The following PLXNA4 variants were observed in gnomAD, a reference collection of about 807,000 sequenced individuals.
PLXNA4 encodes the protein plexin A4.
In PLXNA4, 44 loss-of-function variants were observed where a neutral mutation model predicts 191.8. The ratio of observed to expected loss-of-function variants is 0.23; its 90% confidence interval spans 0.18 to 0.29. The LOEUF (loss-of-function observed/expected upper bound fraction) is 0.29, where lower values mean the gene tolerates loss of function less well. Among genes scored for constraint, PLXNA4 ranks in the 10% least tolerant of loss-of-function variants. The pLI is 1.00. For missense variants in PLXNA4, 1,800 were observed against 2,488.8 expected, an observed-to-expected ratio of 0.72 and a Z score of 5.89; for synonymous variants, 1,082 against 1,009.5, an observed-to-expected ratio of 1.07 and a Z score of -1.36.
intron 14 of PLXNA4, among the ~76,000 whole-genome samples, chr7:132,189,596 C>A (rs547053598): frequency 2.0e-4 from 30 of 152,292 alleles, no homozygotes; most frequent in Non-Finnish European, 3.7e-4. Context: ...CCCCAACATG[C>A]CCCAAGTCCT....
chr7:132,523,811 C>T (rs1799288697), intron 1 of PLXNA4, among the ~76,000 whole-genome samples: 2 of 152,008 alleles, frequency 1.3e-5, no homozygotes, highest in Non-Finnish European at 2.9e-5. Context: ...AGTCACACCT[C>T]CTTGATTTTT....
chr7:132,617,739 G>A (rs1358161828), intron 2 of PLXNA4, among the ~76,000 whole-genome samples: 1 of 152,174 alleles, frequency 6.6e-6, no homozygotes, highest in African/African-American at 2.4e-5. Context: ...AAGTGGATAA[G>A]AAGAGGAGAT....
intron 3 of PLXNA4, among the ~76,000 whole-genome samples, chr7:132,429,903 C>T (rs190742602): frequency 1.3e-5 from 2 of 152,324 alleles, no homozygotes; most frequent in African/African-American, 2.4e-5. Flanking sequence ...TTACTCAAGA[C>T]ACCTCTGACG....
chr7:132,563,085 C>T (rs1585348411), intron 1 of PLXNA4, among the ~76,000 whole-genome samples: 2 of 90,434 alleles, frequency 2.2e-5, no homozygotes, highest in Non-Finnish European at 4.8e-5. Context: ...CCTTCTCCTC[C>T]TCCTCTTCTT....
rs757302168 is a variant in PLXNA4 at position 132,223,619 on chromosome 7, G to A, written c.2005C>T (p.Pro669Ser). Residue 669 changes from proline (P) to serine (S), a missense_variant, in exon 9 of 32, where the codon CCA (proline) becomes TCA (serine). This residue lies in a region of PLXNA4 where 1,397 missense variants were observed against 1,880.4 expected (regional missense o/e 0.74). Transcript: ENST00000321063. ...HNSCLSCVES[P>S]YRCHWCKYRH... ...TATTTACACCAGTGGCAGCGGTATG[G>A]ACTCTCCACGCAGGACAGGCACCTG... 6 of 1,613,470 alleles carry A rather than the reference G, an allele frequency of 3.7e-6. No individual in the cohort carries two copies. Among genetic ancestry groups the A allele is most frequent in the Non-Finnish European group, 4.2e-6 (5 of 1,179,834 alleles).
At chr7:132,501,700 G>A (rs1235945669) in intron 2 of PLXNA4, among the ~76,000 whole-genome samples, 2 of 152,220 alleles carry the variant, frequency 1.3e-5, no homozygotes, top group Non-Finnish European at 2.9e-5. Context: ...CTAAATACCT[G>A]AGACAGGTGC....
chr7:132,404,405 G>C (rs1220643626), intron 3 of PLXNA4, among the ~76,000 whole-genome samples: 1 of 152,214 alleles, frequency 6.6e-6, no homozygotes, highest in Non-Finnish European at 1.5e-5. Flanking sequence ...GGAGAAGGCT[G>C]GTGCGCAGCC....
chr7:132,430,273 G>A (rs114858725), intron 3 of PLXNA4, among the ~76,000 whole-genome samples: 6 of 152,076 alleles, frequency 3.9e-5, no homozygotes, highest in South Asian at 2.1e-4. Flanking sequence ...GTCTCTATGC[G>A]GTTAGTACCC....
At position 132,562,742 on chromosome 7, in the gene PLXNA4, C is replaced by T. The variant is rs1372939531; in HGVS notation, c.-87+13680G>A. Among the ~76,000 whole-genome samples the T allele has an allele frequency of 2.4e-5, 3 of 124,724 alleles. 1 individual carries two copies. Among genetic ancestry groups the T allele is most frequent in the African/African-American group, 1.0e-4 (3 of 29,686 alleles). 81.8% of individuals were successfully genotyped at this position (124,724 alleles called of 152,430 possible). A position where few individuals can be genotyped will look rare whatever the true frequency, so the allele number is the denominator to read the frequency against. On this transcript the variant is annotated intron_variant, in intron 1 of 31. Transcript: ENST00000321063. ...CCTTTTCCTCGTCCTCCTCCTTCTC[C>T]TCCTCCTTCTCCTCCTCCTCCTTCT...
chr7:132,503,511 C>A (rs754511720), intron 2 of PLXNA4, among the ~76,000 whole-genome samples: 12 of 152,154 alleles, frequency 7.9e-5, no homozygotes, highest in Non-Finnish European at 1.6e-4. Context: ...AGGTCCCCCC[C>A]AGAGAAGGAC....
chr7:132,349,612 G>T (rs530356599), intron 3 of PLXNA4, among the ~76,000 whole-genome samples: 1 of 152,262 alleles, frequency 6.6e-6, no homozygotes, highest in South Asian at 2.1e-4. Context: ...CAGTAAAGGA[G>T]CTCATCCTAA....
At chr7:132,580,253 C>T (rs1328116704), upstream of PLXNA4, among the ~76,000 whole-genome samples, 1 of 152,082 alleles carries the variant, frequency 6.6e-6, no homozygotes, top group East Asian at 1.9e-4. Context: ...ATCTTGTCCC[C>T]ACCCCAAGAA....
intron 3 of PLXNA4, among the ~76,000 whole-genome samples, chr7:132,411,092 A>G (rs1483923057): frequency 6.6e-6 from 1 of 152,248 alleles, no homozygotes; most frequent in African/African-American, 2.4e-5. Context: ...GAACGAAAAG[A>G]ATGTGCTTGA....
intron 3 of PLXNA4, among the ~76,000 whole-genome samples, chr7:132,478,178 T>TA (rs544202997): frequency 5.3e-5 from 8 of 152,314 alleles, no homozygotes; most frequent in Admixed American, 2.0e-4. Context: ...CAACACTGCC[T>TA]AACTAAACCT....
intron 13 of PLXNA4, among the ~76,000 whole-genome samples, chr7:132,195,074 G>C (rs1797213211): frequency 6.6e-6 from 1 of 152,086 alleles, no homozygotes; most frequent in South Asian, 2.1e-4. Flanking sequence ...ACACACATAT[G>C]TATATTTATA....
chr7:132,603,679 G>A (rs1056281689), intron 2 of PLXNA4, among the ~76,000 whole-genome samples: 4 of 152,218 alleles, frequency 2.6e-5, no homozygotes, highest in Non-Finnish European at 5.9e-5. Context: ...CATACAGCAT[G>A]CAAAAGGGCA....
intron 3 of PLXNA4, among the ~76,000 whole-genome samples, chr7:132,323,579 C>T (rs553169248): frequency 1.2e-3 from 176 of 152,284 alleles, no homozygotes; most frequent in Middle Eastern, 0.01. Flanking sequence ...TCCTGCTCCA[C>T]GGCTCTGCTG....
chr7:132,243,249 G>A (rs1317069190), intron 4 of PLXNA4, among the ~76,000 whole-genome samples: 1 of 152,186 alleles, frequency 6.6e-6, no homozygotes, highest in Non-Finnish European at 1.5e-5. Context: ...ACACAATAAT[G>A]TTTTCATATG....
chr7:132,431,088 C>T (rs939008364), intron 3 of PLXNA4, among the ~76,000 whole-genome samples: 9 of 152,084 alleles, frequency 5.9e-5, no homozygotes, highest in East Asian at 1.9e-4. Flanking sequence ...TCTGTAAAAC[C>T]GAGGCAATAA....
Sources: allele counts gnomAD v4.1 joint callset (sites outside exome capture counted in the v4.1 genomes callset), GRCh38; gene constraint gnomAD v4.1.1; regional missense constraint gnomAD v4.1.1; transcripts MANE v1.5; gene names NCBI Gene and HGNC (gene_info 2026-07-23, HGNC 2026-07-21).